Variants in EYS observed in about 807,000 individuals in gnomAD.
EYS encodes EGF-like photoreceptor maintenance factor, also known as protein eyes shut homolog.
A neutral mutation model predicts 282.1 loss-of-function variants in EYS; 250 were observed. That is an observed-to-expected ratio of 0.89 (90% confidence interval 0.80 to 0.98). The LOEUF (loss-of-function observed/expected upper bound fraction) is 0.98. Ranked by LOEUF, EYS falls within the 50% of genes least tolerant of loss-of-function variation. EYS has a pLI of 0.00. For synonymous variants in EYS, 1,355 were observed against 1,282.9 expected (o/e 1.06, Z -1.20); for missense variants, 4,016 against 3,709.0 (o/e 1.08, Z -2.15).
At chr6:64,851,409 T>C (rs1359089819) in intron 19 of EYS, among the ~76,000 whole-genome samples, 2 of 152,052 alleles carry the variant, frequency 1.3e-5, no homozygotes, top group East Asian at 3.9e-4. Flanking sequence ...GATTCACATA[T>C]GGAGAGAAAT....
chr6:64,410,884 T>A (rs1773866825), intron 28 of EYS, among the ~76,000 whole-genome samples: 1 of 152,310 alleles, frequency 6.6e-6, no homozygotes, highest in African/African-American at 2.4e-5. Context: ...ACAAAATCTG[T>A]AACATTTATG....
chr6:64,380,899 C>A (rs190943214), intron 29 of EYS, among the ~76,000 whole-genome samples: 29 of 152,002 alleles, frequency 1.9e-4, no homozygotes, highest in Non-Finnish European at 3.1e-4. Context: ...CCTGTAATCC[C>A]AGCCACTCAG....
At chr6:64,268,080 G>A (rs1019280920) in intron 30 of EYS, among the ~76,000 whole-genome samples, 1 of 152,014 alleles carries the variant, frequency 6.6e-6, no homozygotes, top group Non-Finnish European at 1.5e-5. Context: ...TTTAATCACA[G>A]CATTTTTTTT....
At chr6:65,465,498 C>T (rs1264161187) in intron 5 of EYS, among the ~76,000 whole-genome samples, 1 of 151,100 alleles carries the variant, frequency 6.6e-6, no homozygotes, top group African/African-American at 2.4e-5. Context: ...CAAACAAACA[C>T]CAACCAAACA....
intron 30 of EYS, among the ~76,000 whole-genome samples, chr6:64,283,028 C>T (rs1768365039): frequency 6.6e-6 from 1 of 152,126 alleles, no homozygotes. Context: ...TTTAATGTGG[C>T]TATAAATTTC....
At chr6:65,425,255 G>T (rs747129349) in intron 5 of EYS, among the ~76,000 whole-genome samples, 3 of 152,078 alleles carry the variant, frequency 2.0e-5, no homozygotes, top group Non-Finnish European at 2.9e-5. Context: ...CTCTAGATGT[G>T]TTCTCCATGA....
At position 64,129,460 on chromosome 6, in the gene EYS, C is replaced by T. The variant is rs1005862202; in HGVS notation, c.6425-47458G>A. ...GTCTTGTCTGTTCATATCCTTTGCC[C>T]ACTTTTTGATGGGGTTCTTTGTTTT... is the stretch of plus-strand genomic sequence containing the variant. On this transcript the variant is annotated intron_variant, in intron 31 of 42. Transcript: ENST00000503581. Among the ~76,000 whole-genome samples the T allele has an allele frequency of 2.6e-5, 4 of 152,230 alleles. No homozygotes were observed. In the East Asian group the frequency reaches 7.7e-4, roughly 29 times the overall value.
intron 30 of EYS, among the ~76,000 whole-genome samples, chr6:64,278,421 CAAT>C (rs1768188612): frequency 6.6e-6 from 1 of 152,028 alleles, no homozygotes; most frequent in South Asian, 2.1e-4. Flanking sequence ...ACATATATGA[CAAT>C]GATCATTCTG....
At chr6:65,455,240 A>G (rs1304613) in intron 5 of EYS, among the ~76,000 whole-genome samples, 28,118 of 152,014 alleles carry the variant, frequency 0.18, 3,244 homozygotes, top group Middle Eastern at 0.3. Context: ...TGATTCTTAC[A>G]TATCTTATTT....
At chr6:64,627,621 C>A (rs944182715) in intron 22 of EYS, among the ~76,000 whole-genome samples, 3 of 152,134 alleles carry the variant, frequency 2.0e-5, no homozygotes, top group Non-Finnish European at 2.9e-5. Context: ...TACTTGCATA[C>A]ACAGTTACTT....
At chr6:64,969,491 T>C (rs1432505230) in intron 14 of EYS, among the ~76,000 whole-genome samples, 1 of 151,784 alleles carries the variant, frequency 6.6e-6, no homozygotes, top group Non-Finnish European at 1.5e-5. Context: ...ACTTAGGGGG[T>C]CACTTTGGAA....
At chr6:65,338,483 C>T (rs945866246) in intron 10 of EYS, among the ~76,000 whole-genome samples, 1 of 151,094 alleles carries the variant, frequency 6.6e-6, no homozygotes, top group African/African-American at 2.4e-5. Context: ...CAAAACATTA[C>T]ATCAAACATG....
chr6:63,888,258 C>G (rs1266960536), intron 35 of EYS, among the ~76,000 whole-genome samples: 7 of 152,214 alleles, frequency 4.6e-5, no homozygotes, highest in Non-Finnish European at 1.0e-4. Context: ...AAGAGAGTAG[C>G]AGATCTCCCA....
At chr6:65,094,459 C>G (rs1034792143) in intron 12 of EYS, among the ~76,000 whole-genome samples, 12 of 150,898 alleles carry the variant, frequency 8.0e-5, no homozygotes, top group East Asian at 7.8e-4. Flanking sequence ...ATCTTTGGAA[C>G]AGATCACAAT....
At chr6:65,293,959 CAT>C (rs1021329660) in intron 12 of EYS, among the ~76,000 whole-genome samples, 2 of 151,510 alleles carry the variant, frequency 1.3e-5, no homozygotes, top group African/African-American at 4.9e-5. Flanking sequence ...TCAGAAAGCA[CAT>C]GAGTTTGGAG....
At position 63,914,067 on chromosome 6, in the gene EYS, G is replaced by A. The variant is rs554935511; in HGVS notation, c.7056-49709C>T. On this transcript the variant is annotated intron_variant, in intron 35 of 42. Transcript: ENST00000503581. ...ACAAACCACTCCTATATAAGATGGT[G>A]AACTTAATTGAAACATGTTGTATGT... is the stretch of plus-strand genomic sequence containing the variant. Among the ~76,000 whole-genome samples the A allele has an allele frequency of 8.5e-5, 13 of 152,192 alleles. No individual in the cohort carries two copies. In the South Asian group the frequency reaches 2.7e-3, roughly 32 times the overall value.
At chr6:64,038,443 A>G (rs909874125) in intron 33 of EYS, among the ~76,000 whole-genome samples, 43 of 152,234 alleles carry the variant, frequency 2.8e-4, no homozygotes, top group African/African-American at 1.0e-3. Flanking sequence ...ATATGATTTT[A>G]CCTGTCTTAA....
chr6:64,117,371 A>T (rs1324409562), intron 31 of EYS, among the ~76,000 whole-genome samples: 35 of 149,840 alleles, frequency 2.3e-4, no homozygotes. Flanking sequence ...AGACCAGAGC[A>T]GAAATGAAGG....
intron 31 of EYS, among the ~76,000 whole-genome samples, chr6:64,179,533 T>G (rs1764732281): frequency 6.6e-6 from 1 of 152,066 alleles, no homozygotes; most frequent in Admixed American, 6.6e-5. Flanking sequence ...TTACATGTAA[T>G]CAAGCACAGT....
Sources: allele counts gnomAD v4.1 joint callset (sites outside exome capture counted in the v4.1 genomes callset), GRCh38; gene constraint gnomAD v4.1.1; transcripts MANE v1.5; gene names NCBI Gene and HGNC (gene_info 2026-07-23, HGNC 2026-07-21).